PAGE2B: variants seen among roughly 807,000 people sequenced by gnomAD.
PAGE2B encodes the protein putative G antigen family E member 3.
PAGE2B carries 5 observed loss-of-function variants against 7.6 expected under a neutral mutation model. The ratio of observed to expected loss-of-function variants is 0.66; its 90% confidence interval spans 0.34 to 1.38. The LOEUF (loss-of-function observed/expected upper bound fraction) is 1.38. Among genes scored for constraint, PAGE2B ranks in the 40% most tolerant of loss-of-function variants. The pLI is 0.04. For missense variants in PAGE2B, 70 were observed against 78.4 expected, an observed-to-expected ratio of 0.89 and a Z score of 0.41; for synonymous variants, 29 against 26.7, an observed-to-expected ratio of 1.09 and a Z score of -0.27.
At chrX:55,033,047 A>C in the PAGE2B span, among the ~76,000 whole-genome samples, 1 of 110,983 alleles carries the variant, frequency 9.0e-6, no homozygotes, top group Admixed American at 9.6e-5. Flanking sequence ...AGAATTTATC[A>C]CACTGTACTA....
At chrX:55,039,223 T>C in the PAGE2B span, among the ~76,000 whole-genome samples, 1 of 111,188 alleles carries the variant, frequency 9.0e-6, no homozygotes, top group African/African-American at 3.3e-5. Context: ...CCTGAGTGAT[T>C]TTCCCCCCCT....
At chrX:55,077,807 A>G (rs1482802095) in intron 4 of PAGE2B, among the ~76,000 whole-genome samples, 2 of 112,610 alleles carry the variant, frequency 1.8e-5, no homozygotes, top group African/African-American at 3.3e-5. Flanking sequence ...AGCTAATTGG[A>G]TTACGATATG....
chrX:55,055,601 T>A, the PAGE2B span: 34 of 116,083 alleles, frequency 2.9e-4, no homozygotes, highest in Non-Finnish European at 3.8e-4. Context: ...TTAGAGGGCT[T>A]CTTTGAAGTG....
the PAGE2B span, among the ~76,000 whole-genome samples, chrX:55,049,364 T>G: frequency 3.6e-5 from 4 of 112,143 alleles, no homozygotes; most frequent in African/African-American, 6.5e-5. Flanking sequence ...TTGATTGGAA[T>G]AGTTTCAGAA....
At chrX:55,046,537 T>C in the PAGE2B span, among the ~76,000 whole-genome samples, 1 of 111,955 alleles carries the variant, frequency 8.9e-6, no homozygotes, top group Non-Finnish European at 1.9e-5. Flanking sequence ...GAGAAGATAA[T>C]TCTAGCCAGA....
At chrX:55,037,379 A>G in the PAGE2B span, among the ~76,000 whole-genome samples, 11 of 111,281 alleles carry the variant, frequency 9.9e-5, no homozygotes, top group Admixed American at 2.9e-4. Flanking sequence ...TTAGAATGGC[A>G]ATCATTAAAA....
At chrX:55,049,361 G>T in the PAGE2B span, among the ~76,000 whole-genome samples, 2 of 111,682 alleles carry the variant, frequency 1.8e-5, no homozygotes, top group African/African-American at 6.5e-5. Context: ...CTATTGATTG[G>T]AATAGTTTCA....
At chrX:55,043,450 A>ATGT in the PAGE2B span, among the ~76,000 whole-genome samples, 4 of 111,275 alleles carry the variant, frequency 3.6e-5, no homozygotes, top group Non-Finnish European at 7.5e-5. Flanking sequence ...TCGACAAAGG[A>ATGT]CTAATATCCA....
At chrX:55,077,893 G>A (rs1377404890) in intron 4 of PAGE2B, among the ~76,000 whole-genome samples, 1 of 107,524 alleles carries the variant, frequency 9.3e-6, no homozygotes, top group Non-Finnish European at 1.9e-5. Flanking sequence ...ATATTAATTA[G>A]CTTGATGTAG....
chrX:55,077,336 A>G, intron 3 of PAGE2B, 63 bp from the exon 4 acceptor site: 1 of 1,194,355 alleles, frequency 8.4e-7, no homozygotes, highest in Admixed American at 2.3e-5. Context: ...AATAAATATT[A>G]TCATTTCCTT....
At chrX:55,030,233 G>T in the PAGE2B span, among the ~76,000 whole-genome samples, 1 of 111,678 alleles carries the variant, frequency 9.0e-6, no homozygotes, top group Admixed American at 9.5e-5. Context: ...CTTGCCTAGG[G>T]TCTCACAGTG....
the PAGE2B span, among the ~76,000 whole-genome samples, chrX:55,050,964 T>A: frequency 1.8e-5 from 2 of 111,673 alleles, no homozygotes; most frequent in African/African-American, 6.5e-5. Context: ...TCCTTTCCAT[T>A]TTTAGTGCTT....
At chrX:55,070,979 CTT>C (rs1310359110), upstream of PAGE2B, among the ~76,000 whole-genome samples, 3 of 111,540 alleles carry the variant, frequency 2.7e-5, no homozygotes, top group Non-Finnish European at 3.8e-5. Context: ...GGTCTTGACT[CTT>C]TATCCAATTT....
upstream of PAGE2B, among the ~76,000 whole-genome samples, chrX:55,073,382 G>A (rs1238527865): frequency 9.0e-6 from 1 of 110,947 alleles, no homozygotes; most frequent in Non-Finnish European, 1.9e-5. Context: ...TCCATGGGCT[G>A]CACCCACTGC....
intron 1 of PAGE2B, 56 bp from the exon 2 acceptor site, chrX:55,075,978 A>C: frequency 3.8e-6 from 4 of 1,059,085 alleles, no homozygotes; most frequent in Non-Finnish European, 5.2e-6. Context: ...TGGAATGTTC[A>C]TATATATAGC....
the PAGE2B span, among the ~76,000 whole-genome samples, chrX:55,049,494 G>A: frequency 9.0e-6 from 1 of 111,337 alleles, no homozygotes; most frequent in African/African-American, 3.3e-5. Context: ...GCCTGTTTTT[G>A]GTCTATTCAG....
At chrX:55,040,689 G>A in the PAGE2B span, among the ~76,000 whole-genome samples, 2 of 111,452 alleles carry the variant, frequency 1.8e-5, no homozygotes, top group African/African-American at 6.5e-5. Context: ...TAAGGATACA[G>A]AGTTTCCATT....
rs752959813 is a variant in PAGE2B, at chrX:55,077,524, G to T, written c.319G>T (p.Gly107Cys). 2.6e-5 allele frequency: 31 copies of T among 1,210,242 alleles called. No homozygotes were observed. In the East Asian group the frequency reaches 8.6e-4, roughly 34 times the overall value. Residue 107 changes from glycine (G) to cysteine (C), a missense_variant and splice_region_variant, in exon 4 of 5, where the codon GGT becomes TGT. Physicochemically the swap from Gly to Cys is radical, Grantham distance 159. Coordinates refer to ENST00000374971, the MANE Select transcript of PAGE2B (RefSeq NM_001015038.3). ...TGATCTCACTAAAGTGCTGGAAGCA[G>T]GTTTGTTATTCATTTAAGATGCAAA... Reference protein sequence around the residue: ...TFDLTKVLEAGDAQP With the variant: ...TFDLTKVLEACDAQP
chrX:55,067,213 C>A, the PAGE2B span, among the ~76,000 whole-genome samples: 4 of 110,561 alleles, frequency 3.6e-5, no homozygotes, highest in South Asian at 3.9e-4. Context: ...CCTAGCCCCC[C>A]ACCCCTGACA....
Sources: gnomAD v4.1 joint callset for allele counts (sites outside exome capture counted in the v4.1 genomes callset) on GRCh38, gnomAD v4.1.1 for gene constraint, MANE v1.5 for transcripts, NCBI Gene and HGNC (gene_info 2026-07-23, HGNC 2026-07-21) for gene names.